The following ZNF704 variants were observed in gnomAD, a reference collection of about 807,000 sequenced individuals.
The protein encoded by ZNF704 is zinc finger protein 704.
Under a neutral mutation model 44.7 loss-of-function variants are expected in ZNF704, and 10 were observed. That is an observed-to-expected ratio of 0.22 (90% CI 0.14 to 0.38). The LOEUF (loss-of-function observed/expected upper bound fraction) is 0.38. Among genes scored for constraint, ZNF704 ranks in the 10% least tolerant of loss-of-function variants. The pLI, the probability that ZNF704 is intolerant of heterozygous loss-of-function variation, is 1.00. For missense variants in ZNF704, 390 were observed against 545.5 expected (o/e 0.71, Z 2.84); for synonymous variants, 211 against 207.6 (o/e 1.02, Z -0.14).
chr8:80,653,859 C>CA (rs1295050306), intron 7 of ZNF704, among the ~76,000 whole-genome samples: 13 of 151,986 alleles, frequency 8.6e-5, no homozygotes, highest in African/African-American at 3.1e-4. Context: ...CATATGGAAC[C>CA]AAAAAAGAGC....
intron 2 of ZNF704, among the ~76,000 whole-genome samples, chr8:80,726,798 A>G (rs1222551421): frequency 1.3e-5 from 2 of 151,830 alleles, no homozygotes; most frequent in Non-Finnish European, 2.9e-5. Context: ...ATGCCTTTAC[A>G]TCTTCCAATT....
intron 2 of ZNF704, among the ~76,000 whole-genome samples, chr8:80,784,455 C>T (rs1807582689): frequency 6.6e-6 from 1 of 152,138 alleles, no homozygotes; most frequent in Admixed American, 6.6e-5. Context: ...TGGATCTTGG[C>T]CATTTTAATA....
chr8:80,652,299 G>A (rs1366678199), intron 7 of ZNF704, among the ~76,000 whole-genome samples: 4 of 151,854 alleles, frequency 2.6e-5, no homozygotes, highest in Non-Finnish European at 1.5e-5. Context: ...CTAGCAGAAG[G>A]CAAGAAATAA....
rs1175975440 is a variant in ZNF704 at position 80,639,577 on chromosome 8, G to A, written c.*1789C>T. On this transcript the variant is annotated 3_prime_UTR_variant, in exon 9 of 9. Coordinates refer to ENST00000327835, the MANE Select transcript of ZNF704 (RefSeq NM_001033723.3). The stretch of plus-strand genomic sequence containing the variant: ...GTTTTTAAAGAAAAAAATAAATGAA[G>A]AAAAAAACCAGGATCTCTTCCAAGG... The A allele has an allele frequency of 6.6e-6, 1 of 151,822 alleles. No individual in the cohort carries two copies. Among genetic ancestry groups the A allele is most frequent in the African/African-American group, 2.4e-5 (1 of 41,304 alleles). 9.4% of individuals were successfully genotyped at this position (151,822 alleles called of 1,614,324 possible).
upstream of ZNF704, among the ~76,000 whole-genome samples, chr8:80,877,519 T>C (rs531140687): frequency 6.6e-6 from 1 of 152,350 alleles, no homozygotes; most frequent in South Asian, 2.1e-4. Flanking sequence ...GGAAGAGTCA[T>C]TGCTGCTTCT....
intron 2 of ZNF704, among the ~76,000 whole-genome samples, chr8:80,813,406 G>A (rs1192112953): frequency 1.3e-5 from 2 of 152,154 alleles, no homozygotes; most frequent in African/African-American, 4.8e-5. Context: ...TAGCACTAAT[G>A]TGTGCTTATA....
intron 2 of ZNF704, among the ~76,000 whole-genome samples, chr8:80,789,080 A>G (rs1807661006): frequency 6.6e-6 from 1 of 152,252 alleles, no homozygotes; most frequent in South Asian, 2.1e-4. Context: ...ATTAATTTCA[A>G]TTAGATTTCC....
intron 2 of ZNF704, among the ~76,000 whole-genome samples, chr8:80,697,860 T>C (rs545909932): frequency 6.6e-6 from 1 of 152,358 alleles, no homozygotes; most frequent in East Asian, 1.9e-4. Flanking sequence ...CTAGCAGTTG[T>C]GGATTTTCTT....
chr8:80,836,175 G>A (rs1021016528), intron 1 of ZNF704, among the ~76,000 whole-genome samples: 4 of 152,126 alleles, frequency 2.6e-5, no homozygotes, highest in Non-Finnish European at 5.9e-5. Flanking sequence ...CTCCAAAGTC[G>A]CATAGGATCT....
chr8:80,747,786 G>A (rs141867320), intron 2 of ZNF704, among the ~76,000 whole-genome samples: 3,674 of 152,196 alleles, frequency 0.024, 145 homozygotes, highest in African/African-American at 0.083. Flanking sequence ...GTGCTATCTC[G>A]GCTCACTACA....
Position 80,635,017 on chromosome 8 carries a change from C to G in ZNF704, c.*6349G>C, listed in dbSNP as rs139868055. The G allele has an allele frequency of 6.6e-6, 1 of 152,262 alleles. No individual in the cohort carries two copies. Among genetic ancestry groups the G allele is most frequent in the East Asian group, 1.9e-4 (1 of 5,182 alleles). The allele number at this position is 152,262 out of a possible 1,614,324, so 9.4% of individuals were successfully genotyped here. ...GTCCTCAAGTGTGCAGATTCTAAAG[C>G]CTATTTGAAACCAAGGTCTGAGTGA... On this transcript the variant is annotated 3_prime_UTR_variant, in exon 9 of 9. Transcript: ENST00000327835.
intron 7 of ZNF704, among the ~76,000 whole-genome samples, chr8:80,651,315 A>C (rs1414471087): frequency 6.6e-6 from 1 of 152,242 alleles, no homozygotes; most frequent in Non-Finnish European, 1.5e-5. Context: ...CACACATAAC[A>C]ATATTAACCT....
At chr8:80,648,707 C>A (rs1403309156) in intron 7 of ZNF704, among the ~76,000 whole-genome samples, 2 of 152,136 alleles carry the variant, frequency 1.3e-5, no homozygotes, top group East Asian at 3.8e-4. Flanking sequence ...GCTATATAAG[C>A]TAAGTGTCTT....
Position 80,659,437 on chromosome 8 carries a change from T to A in ZNF704, c.1032+148A>T, listed in dbSNP as rs533253902. 3 of 689,690 alleles carry A rather than the reference T, an allele frequency of 4.3e-6. No individual in the cohort carries two copies. In the South Asian group the frequency reaches 5.3e-5, roughly 12 times the overall value. 42.7% of individuals were successfully genotyped at this position (689,690 alleles called of 1,614,324 possible). ...CTTTTCGAAAAGAAGTGATATCTGCTGATGAGTTTACAAATATCATTTAAG... is the reference window on the plus strand; with the variant it reads ...CTTTTCGAAAAGAAGTGATATCTGCAGATGAGTTTACAAATATCATTTAAG... On this transcript the variant is annotated intron_variant, in intron 7 of 8. Coordinates refer to ENST00000327835, the MANE Select transcript of ZNF704 (RefSeq NM_001033723.3).
In ZNF704 at chr8:80,858,626, G is replaced by A. The variant is rs112339330; in HGVS notation, c.-22+15945C>T. ...TGCACACCTGTAATCCCAGCTGTTC[G>A]GGAGGCTGAGGCCGTGCCACTGCAC... On this transcript the variant is annotated intron_variant, in intron 1 of 8. Transcript: ENST00000327835. Among the ~76,000 whole-genome samples the A allele has an allele frequency of 5.2e-3, 794 of 151,924 alleles. 6 individuals are homozygous for A. Among genetic ancestry groups the A allele is most frequent in the African/African-American group, 0.018 (750 of 41,468 alleles).
At chr8:80,689,727 A>G (rs1258865124) in intron 3 of ZNF704, among the ~76,000 whole-genome samples, 4 of 152,250 alleles carry the variant, frequency 2.6e-5, no homozygotes, top group African/African-American at 9.6e-5. Context: ...GTGTGGTTAC[A>G]TGGCTTCATG....
chr8:80,724,255 C>T (rs1224164351), intron 2 of ZNF704, among the ~76,000 whole-genome samples: 1 of 152,140 alleles, frequency 6.6e-6, no homozygotes, highest in African/African-American at 2.4e-5. Flanking sequence ...TTAAGTGATA[C>T]TCCTTTAGGG....
intron 2 of ZNF704, among the ~76,000 whole-genome samples, chr8:80,720,948 T>G (rs1296756117): frequency 6.6e-6 from 1 of 152,126 alleles, no homozygotes; most frequent in East Asian, 1.9e-4. Context: ...AAAGGCTGAG[T>G]TTTCAATGGC....
intron 2 of ZNF704, among the ~76,000 whole-genome samples, chr8:80,796,189 T>A (rs926183486): frequency 6.6e-6 from 1 of 152,210 alleles, no homozygotes; most frequent in Non-Finnish European, 1.5e-5. Flanking sequence ...AAGTCTAAGG[T>A]TGAAGAGCCA....
Sources: gnomAD v4.1 joint callset for allele counts (sites outside exome capture counted in the v4.1 genomes callset) on GRCh38, gnomAD v4.1.1 for gene constraint, MANE v1.5 for transcripts, NCBI Gene and HGNC (gene_info 2026-07-23, HGNC 2026-07-21) for gene names.